BRF1: variants seen among roughly 807,000 people sequenced by gnomAD.
The protein encoded by BRF1 is BRF1 general transcription factor IIIB subunit.
Under a neutral mutation model 81.7 loss-of-function variants are expected in BRF1, and 59 were observed. That is an observed-to-expected ratio of 0.72 (90% CI 0.59 to 0.90). The LOEUF is 0.90. Ranked by LOEUF, BRF1 falls within the 40% of genes least tolerant of loss-of-function variation. The pLI is 0.00. For synonymous variants in BRF1, 491 were observed against 395.6 expected (o/e 1.24, Z -2.86); for missense variants, 1,050 against 936.3 (o/e 1.12, Z -1.58).
At chr14:105,287,229 T>C (rs1372872573) in intron 1 of BRF1, among the ~76,000 whole-genome samples, 2 of 152,116 alleles carry the variant, frequency 1.3e-5, no homozygotes, top group Non-Finnish European at 1.5e-5. Context: ...AAACATCAGG[T>C]GGACATTTGG....
chr14:105,250,192 C>T (rs2055517102), intron 5 of BRF1: 1 of 1,612,892 alleles, frequency 6.2e-7, no homozygotes, highest in Non-Finnish European at 8.5e-7. Flanking sequence ...TGGACTTTCC[C>T]CTGACCAAGA....
At chr14:105,260,967 G>A (rs989240968) in intron 3 of BRF1, among the ~76,000 whole-genome samples, 3 of 152,208 alleles carry the variant, frequency 2.0e-5, no homozygotes, top group Non-Finnish European at 2.9e-5. Context: ...GAGCTCCCAG[G>A]GCTCTGGAGG....
intron 2 of BRF1, among the ~76,000 whole-genome samples, chr14:105,283,275 A>G (rs111293408): frequency 2.0e-5 from 3 of 152,280 alleles, no homozygotes; most frequent in African/African-American, 7.2e-5. Flanking sequence ...CACCCCACCC[A>G]GGCAGGAGCG....
At chr14:105,278,901 G>A (rs1431991786) in intron 2 of BRF1, among the ~76,000 whole-genome samples, 13 of 152,054 alleles carry the variant, frequency 8.5e-5, no homozygotes, top group Non-Finnish European at 1.9e-4. Flanking sequence ...AATATTAGCC[G>A]GGCATGGTGG....
At chr14:105,226,581 T>C (rs587774318) in intron 8 of BRF1, 53 bp downstream of exon 8, 7 of 1,607,730 alleles carry the variant, frequency 4.4e-6, no homozygotes, top group East Asian at 2.2e-5. Flanking sequence ...GGTGTGTGGC[T>C]TCCCCCCAAG....
intron 5 of BRF1, chr14:105,242,206 CTGA>C (rs2054723396): frequency 6.6e-6 from 1 of 152,298 alleles, no homozygotes; most frequent in African/African-American, 2.4e-5. Context: ...CCCATTTACC[CTGA>C]TGTGACTGTT....
At chr14:105,212,373 C>T (rs1047387251) in intron 15 of BRF1, 8 of 600,536 alleles carry the variant, frequency 1.3e-5, no homozygotes, top group South Asian at 4.2e-5. Context: ...TTCTCAACAG[C>T]GAGCAGCACT....
chr14:105,255,300 A>G (rs1312268091), intron 4 of BRF1, among the ~76,000 whole-genome samples: 2 of 152,254 alleles, frequency 1.3e-5, no homozygotes, highest in African/African-American at 4.8e-5. Flanking sequence ...CTGGATTATC[A>G]CAATTCCAGC....
At chr14:105,266,601 C>T (rs2056429377) in intron 3 of BRF1, among the ~76,000 whole-genome samples, 1 of 152,048 alleles carries the variant, frequency 6.6e-6, no homozygotes. Context: ...GTCCTATACA[C>T]AAAAGTCTAC....
At chr14:105,212,387 C>A in intron 15 of BRF1, 1 of 564,440 alleles carries the variant, frequency 1.8e-6, no homozygotes, top group Non-Finnish European at 3.1e-6. Context: ...CAGCACTCGA[C>A]ACAAACACAG....
rs189408651 is a variant in BRF1 at position 105,248,195 on chromosome 14, G to C, written c.544+4312C>G. Reference sequence around the variant, plus strand: ...CGCTGGCTGCTGGCGTCCGTAGCAAGCTAAATCGCGAAGCATCTGAACGAA... The same window carrying C: ...CGCTGGCTGCTGGCGTCCGTAGCAACCTAAATCGCGAAGCATCTGAACGAA... On this transcript the variant is annotated intron_variant, in intron 5 of 17. Coordinates refer to ENST00000547530, the MANE Select transcript of BRF1 (RefSeq NM_001519.4). 6,381 of 985,528 alleles carry C rather than the reference G, an allele frequency of 6.5e-3. 51 individuals carry two copies. The highest frequency in any genetic ancestry group is 0.05 in the South Asian group (1,062 of 21,294). The allele number at this position is 985,528 out of a possible 1,614,324, so 61.0% of individuals were successfully genotyped here. A position where few individuals can be genotyped will look rare whatever the true frequency, so the allele number is the denominator to read the frequency against.
In BRF1 at chr14:105,210,867, A is replaced by C. The variant is rs1197801103; in HGVS notation, c.1996+255T>G. The stretch of plus-strand genomic sequence containing the variant: ...TGTGCAGGTCCGTGGTGGTGTGCAG[A>C]TCCGGGAACCTCGTGCTGCTGGCTG... On this transcript the variant is annotated intron_variant, in intron 17 of 17. Transcript: ENST00000547530. The surrounding 1 kb of genome is among the most constrained non-coding windows in gnomAD (Gnocchi z 4.7). Among the ~76,000 whole-genome samples, 2 of 152,016 alleles carry C rather than the reference A, an allele frequency of 1.3e-5. No individual in the cohort carries two copies. The highest frequency in any genetic ancestry group is 4.8e-5 in the African/African-American group (2 of 41,368).
rs1239820992 is a variant in BRF1, at chr14:105,309,944, C to A, written c.-162+5378G>T. Reference sequence around the variant, plus strand: ...GGGACTACAGGCGCCCGCCACCACACCCGACTAATTTTTGTATTTTTAGTA... The same window carrying A: ...GGGACTACAGGCGCCCGCCACCACAACCGACTAATTTTTGTATTTTTAGTA... On this transcript the variant is annotated intron_variant, in intron 1 of 17. Transcript: ENST00000327359. The surrounding 1 kb of genome is among the most constrained non-coding windows in gnomAD (Gnocchi z 4.0). Among the ~76,000 whole-genome samples the A allele has an allele frequency of 6.6e-6, 1 of 151,800 alleles. No individual in the cohort carries two copies. The highest frequency in any genetic ancestry group is 1.5e-5 in the Non-Finnish European group (1 of 67,946).
In BRF1 at chr14:105,227,226, C is replaced by G. The variant is rs587602839; in HGVS notation, c.789-466G>C. ...CTGAGGTCAGGAGTTTGAGACCAGC[C>G]AGGCCAACACGGTGAAACCCCATCT... On this transcript the variant is annotated intron_variant, in intron 7 of 17. Coordinates refer to ENST00000547530, the MANE Select transcript of BRF1 (RefSeq NM_001519.4). The G allele has an allele frequency of 1.5e-4, 24 of 165,332 alleles. No individual in the cohort carries two copies. The South Asian group carries it at 3.8e-3, about 26-fold the overall frequency. 10.2% of individuals were successfully genotyped at this position (165,332 alleles called of 1,614,324 possible).
intron 5 of BRF1, chr14:105,249,703 T>G (rs1433408450): frequency 1.2e-6 from 2 of 1,613,770 alleles, no homozygotes; most frequent in East Asian, 4.5e-5. Flanking sequence ...TGTACGCTGC[T>G]AAGAAGTACA....
intron 10 of BRF1, 135 bp from the exon 11 acceptor site, chr14:105,222,049 C>G (rs978829437): frequency 1.7e-6 from 2 of 1,171,642 alleles, no homozygotes; most frequent in African/African-American, 3.1e-5. Context: ...GGTCAGGTGC[C>G]AAAGAACGAG....
chr14:105,255,927 G>A (rs1466323577), intron 4 of BRF1, among the ~76,000 whole-genome samples: 1 of 152,130 alleles, frequency 6.6e-6, no homozygotes, highest in Non-Finnish European at 1.5e-5. Context: ...AGGAGTTCAA[G>A]AGCAGCCTGG....
Position 105,226,373 on chromosome 14 carries a change from G to C in BRF1, c.916-83C>G, listed in dbSNP as rs1192897243. On this transcript the variant is annotated intron_variant, in intron 8 of 17. Coordinates refer to ENST00000547530, the MANE Select transcript of BRF1 (RefSeq NM_001519.4). ...CTCTGGGGTGCCGCGTGGGCCCCAG[G>C]GACCACAGGCTGCTAGAACTTAGGG... is the stretch of plus-strand genomic sequence containing the variant. 4 of 1,572,190 alleles carry C rather than the reference G, an allele frequency of 2.5e-6. No homozygotes were observed. In the African/African-American group the frequency reaches 5.4e-5, roughly 21 times the overall value.
At chr14:105,314,275 G>C (rs924930599) in intron 1 of BRF1, 8 of 152,136 alleles carry the variant, frequency 5.3e-5, no homozygotes, top group Non-Finnish European at 1.2e-4. Flanking sequence ...GCGAGGGCAG[G>C]GGGGCGGGGA....
Sources: gnomAD v4.1 joint callset for allele counts (sites outside exome capture counted in the v4.1 genomes callset) on GRCh38, gnomAD v4.1.1 for gene constraint, Gnocchi (gnomAD v3.1) non-coding constraint, MANE v1.5 for transcripts, NCBI Gene and HGNC (gene_info 2026-07-23, HGNC 2026-07-21) for gene names.